Variants in MND1 observed in about 807,000 individuals in gnomAD.
MND1 encodes the protein meiotic nuclear division protein 1 homolog.
In MND1, 28 loss-of-function variants were observed where a neutral mutation model predicts 35.1. That is an observed-to-expected ratio of 0.80 (90% CI 0.59 to 1.09). The LOEUF is 1.09. Among genes scored for constraint, MND1 ranks in the 50% least tolerant of loss-of-function variants. The pLI is 0.00. For missense variants in MND1, 213 were observed against 239.6 expected, an observed-to-expected ratio of 0.89 and a Z score of 0.73; for synonymous variants, 69 against 70.5, an observed-to-expected ratio of 0.98 and a Z score of 0.11.
chr4:153,376,282 T>A (rs1728505330), intron 4 of MND1, among the ~76,000 whole-genome samples: 1 of 152,182 alleles, frequency 6.6e-6, no homozygotes, highest in Non-Finnish European at 1.5e-5. Context: ...TGTGTGTGGA[T>A]GTGTGTTTGT....
intron 2 of MND1, among the ~76,000 whole-genome samples, chr4:153,354,170 A>C (rs1773286589): frequency 1.3e-5 from 2 of 152,046 alleles, no homozygotes. Context: ...CATAAGATTT[A>C]AATATTCTAC....
At chr4:153,361,558 G>A (rs1773492052) in intron 4 of MND1, 2 of 456,126 alleles carry the variant, frequency 4.4e-6, no homozygotes, top group South Asian at 1.5e-5. Context: ...AGAAAATTCT[G>A]GCTGGGCGCA....
intron 6 of MND1, 51 bp from the exon 7 acceptor site, chr4:153,408,912 GTATATATA>G (rs10552163): frequency 1.9e-5 from 6 of 318,396 alleles, no homozygotes; most frequent in East Asian, 8.3e-5. Context: ...CATTTTGTGT[GTATATATA>G]TATATATATA....
chr4:153,396,541 T>C (rs1348416293), intron 5 of MND1, among the ~76,000 whole-genome samples: 1 of 152,238 alleles, frequency 6.6e-6, no homozygotes, highest in Non-Finnish European at 1.5e-5. Context: ...ATTTGGTTTT[T>C]GTTTGGGCTT....
At chr4:153,382,649 A>G (rs1360660173) in intron 4 of MND1, among the ~76,000 whole-genome samples, 1 of 152,262 alleles carries the variant, frequency 6.6e-6, no homozygotes, top group African/African-American at 2.4e-5. Context: ...ATAGAAATTT[A>G]AATCTTTAAG....
chr4:153,364,104 T>C (rs1424805079), intron 4 of MND1, among the ~76,000 whole-genome samples: 2 of 151,912 alleles, frequency 1.3e-5, no homozygotes, highest in Non-Finnish European at 2.9e-5. Context: ...AAGAGAATAA[T>C]AAGTGTTAGC....
At chr4:153,414,650 G>GA in intron 7 of MND1, 101 bp from the exon 8 acceptor site, 1 of 519,428 alleles carries the variant, frequency 1.9e-6, no homozygotes, top group Non-Finnish European at 3.4e-6. Flanking sequence ...TGATATATCT[G>GA]AAAGTTAATA....
intron 4 of MND1, chr4:153,381,825 T>C (rs1728716454): frequency 6.7e-6 from 1 of 148,910 alleles, no homozygotes; most frequent in South Asian, 2.1e-4. Flanking sequence ...CTGTTCCGTT[T>C]CCTACCAGGG....
intron 4 of MND1, among the ~76,000 whole-genome samples, chr4:153,371,939 C>G (rs1773798443): frequency 6.6e-6 from 1 of 151,896 alleles, no homozygotes; most frequent in Non-Finnish European, 1.5e-5. Flanking sequence ...TGCTTAGAGG[C>G]CACTGTAGGG....
At chr4:153,406,334 C>T (rs896963027) in intron 6 of MND1, among the ~76,000 whole-genome samples, 4 of 151,996 alleles carry the variant, frequency 2.6e-5, no homozygotes, top group Non-Finnish European at 5.9e-5. Flanking sequence ...CCAGCCTGGC[C>T]AACATGGTGA....
intron 7 of MND1, among the ~76,000 whole-genome samples, chr4:153,410,972 G>A (rs957513865): frequency 1.3e-5 from 2 of 152,156 alleles, no homozygotes; most frequent in African/African-American, 4.8e-5. Flanking sequence ...GCCTGAGCAA[G>A]AGTGAGACAC....
At chr4:153,352,665 A>G (rs1467080960) in intron 2 of MND1, among the ~76,000 whole-genome samples, 2 of 151,164 alleles carry the variant, frequency 1.3e-5, no homozygotes. Context: ...GTTGAGCCCA[A>G]GAGTTTGAGG....
chr4:153,391,226 C>T (rs1729023949), intron 4 of MND1, among the ~76,000 whole-genome samples: 1 of 151,712 alleles, frequency 6.6e-6, no homozygotes, highest in African/African-American at 2.4e-5. Context: ...CACAGTGGTG[C>T]GGTCTCAACT....
chr4:153,355,283 T>C (rs1383653389), intron 2 of MND1, among the ~76,000 whole-genome samples: 1 of 152,246 alleles, frequency 6.6e-6, no homozygotes, highest in Non-Finnish European at 1.5e-5. Context: ...TGCTTGATTC[T>C]ATTATACTGT....
intron 2 of MND1, among the ~76,000 whole-genome samples, chr4:153,353,669 T>G (rs1188241529): frequency 6.6e-6 from 1 of 151,890 alleles, no homozygotes; most frequent in Non-Finnish European, 1.5e-5. Context: ...TTTTCAAGTT[T>G]TTTTTGGAAG....
chr4:153,362,132 C>G (rs879070433), intron 4 of MND1, among the ~76,000 whole-genome samples: 26 of 152,058 alleles, frequency 1.7e-4, no homozygotes, highest in African/African-American at 6.0e-4. Flanking sequence ...CTATTTGGTC[C>G]TTTTTCAGTT....
chr4:153,362,911 T>A, intron 4 of MND1: 9 of 699,510 alleles, frequency 1.3e-5, no homozygotes, highest in Non-Finnish European at 1.6e-5. Flanking sequence ...TCATGTTTTA[T>A]ACAGGATGAG....
intron 1 of MND1, among the ~76,000 whole-genome samples, chr4:153,349,151 T>C (rs1382497645): frequency 6.6e-6 from 1 of 151,922 alleles, no homozygotes; most frequent in African/African-American, 2.4e-5. Flanking sequence ...CTCCTTTCTC[T>C]TTTAACTTAG....
At chr4:153,365,328 GA>G (rs1214322091) in intron 4 of MND1, among the ~76,000 whole-genome samples, 2 of 152,148 alleles carry the variant, frequency 1.3e-5, no homozygotes, top group African/African-American at 4.8e-5. Context: ...TTGCTCCCAT[GA>G]TAGATAACTC....
Sources: allele counts gnomAD v4.1 joint callset (sites outside exome capture counted in the v4.1 genomes callset), GRCh38; gene constraint gnomAD v4.1.1; transcripts MANE v1.5; gene names NCBI Gene and HGNC (gene_info 2026-07-23, HGNC 2026-07-21).